Variants in DENND2A observed in about 807,000 individuals in gnomAD.
DENND2A encodes the protein DENN domain containing 2A.
Under a neutral mutation model 105.3 loss-of-function variants are expected in DENND2A, and 53 were observed. The ratio of observed to expected loss-of-function variants is 0.50; its 90% CI spans 0.40 to 0.63. The LOEUF is 0.63. Among genes scored for constraint, DENND2A ranks in the 30% least tolerant of loss-of-function variants. The pLI is 0.00. For synonymous variants in DENND2A, 522 were observed against 508.4 expected, an observed-to-expected ratio of 1.03 and a Z score of -0.36; for missense variants, 1,138 against 1,279.6, an observed-to-expected ratio of 0.89 and a Z score of 1.69.
chr7:140,554,734 A>T (rs1797287965), intron 12 of DENND2A, among the ~76,000 whole-genome samples: 1 of 152,210 alleles, frequency 6.6e-6, no homozygotes, highest in Non-Finnish European at 1.5e-5. Flanking sequence ...ATCATATAGG[A>T]TAGTAATTCT....
rs1370158454 is a variant in DENND2A at position 140,535,607 on chromosome 7, G to A, written c.2328-8112C>T. ...TTAATTTTTTACTTTTTGAGATGGAGTTTCGCTCTTGTTGCCCAGGCTGGA... is the reference window on the plus strand; with the variant it reads ...TTAATTTTTTACTTTTTGAGATGGAATTTCGCTCTTGTTGCCCAGGCTGGA... On this transcript the variant is annotated intron_variant, in intron 14 of 19. Transcript: ENST00000496613. 2.3e-4 allele frequency among the ~76,000 whole-genome samples: 34 copies of A among 150,602 alleles called. 1 individual carries two copies. In the Admixed American group the frequency reaches 2.3e-3, roughly 10 times the overall value.
At chr7:140,537,080 G>A (rs1249770086) in intron 14 of DENND2A, among the ~76,000 whole-genome samples, 1 of 152,232 alleles carries the variant, frequency 6.6e-6, no homozygotes, top group Non-Finnish European at 1.5e-5. Context: ...AGAGCAGCAA[G>A]GTGGCAGCTT....
intron 2 of DENND2A, among the ~76,000 whole-genome samples, chr7:140,603,066 C>T (rs1466302271): frequency 8.5e-5 from 13 of 152,074 alleles, no homozygotes; most frequent in African/African-American, 2.2e-4. Flanking sequence ...GGGTGGATCA[C>T]GAGGTCAGGA....
At chr7:140,614,005 C>G (rs529300161) in intron 1 of DENND2A, among the ~76,000 whole-genome samples, 10 of 152,124 alleles carry the variant, frequency 6.6e-5, no homozygotes, top group Non-Finnish European at 8.8e-5. Context: ...CCCCTTTTTT[C>G]TTTTCCTCCT....
rs571353919 is a variant in DENND2A, at chr7:140,523,411, T to A, written c.2561A>T (p.Asp854Val). The A allele has an allele frequency of 1.9e-6, 3 of 1,613,840 alleles. No individual in the cohort carries two copies. Among genetic ancestry groups the A allele is most frequent in the Non-Finnish European group, 2.5e-6 (3 of 1,179,942 alleles). The change falls in exon 17 of 20, where the codon GAC (aspartate) becomes GTC (valine). Residue 854 changes from aspartate (D) to valine (V), a missense_variant. Coordinates refer to ENST00000496613, the MANE Select transcript of DENND2A (RefSeq NM_015689.5). The surrounding 1 kb of genome is among the most constrained non-coding windows in gnomAD (Gnocchi z 4.5). Reference protein sequence around the residue: ...SRFLRQMDDEDSILPRKLQVA... With the variant: ...SRFLRQMDDEVSILPRKLQVA... ...CTGAAGCTTCCGGGGCAGGATGGAG[T>A]CCTCATCGTCCATCTGGAAAGCAGA...
chr7:140,560,299 A>G (rs1797562169), intron 9 of DENND2A, among the ~76,000 whole-genome samples: 1 of 152,176 alleles, frequency 6.6e-6, no homozygotes, highest in African/African-American at 2.4e-5. Context: ...ACAGTCATTG[A>G]GTGTTGGAAC....
intron 13 of DENND2A, 24 bp from the exon 14 acceptor site, chr7:140,544,790 T>C (rs1796827397): frequency 6.4e-7 from 1 of 1,558,142 alleles, no homozygotes; most frequent in Non-Finnish European, 8.7e-7. Context: ...GGAGCAGCCA[T>C]GAAGGAGGGG....
chr7:140,581,861 G>C (rs923492495), intron 5 of DENND2A, among the ~76,000 whole-genome samples: 3 of 152,148 alleles, frequency 2.0e-5, no homozygotes, highest in African/African-American at 7.2e-5. Flanking sequence ...AGAGGCTCTA[G>C]GTTTTCTCCA....
Position 140,532,991 on chromosome 7 carries a change from C to CTTTT in DENND2A, c.2328-5500_2328-5497dup, listed in dbSNP as rs3042406. ...CCCAACTCAAAGAAAAGGCTACCTG[C>CTTTT]TTTTTTTTTTTTTTTTTTTGAGACA... On this transcript the variant is annotated intron_variant, in intron 14 of 19. Transcript: ENST00000496613. Among the ~76,000 whole-genome samples the CTTTT allele has an allele frequency of 4.0e-4, 48 of 120,122 alleles. 1 individual carries two copies. The highest frequency in any genetic ancestry group is 9.1e-4 in the African/African-American group (28 of 30,604). 78.8% of individuals were successfully genotyped at this position (120,122 alleles called of 152,430 possible).
intron 1 of DENND2A, among the ~76,000 whole-genome samples, chr7:140,613,539 C>CAAA (rs769852380): frequency 1.5e-4 from 14 of 94,344 alleles, no homozygotes; most frequent in African/African-American, 2.1e-4. Context: ...GACTCTGTCT[C>CAAA]AAAAAAAAAA....
At chr7:140,572,636 C>A (rs1798138924) in intron 6 of DENND2A, among the ~76,000 whole-genome samples, 1 of 151,400 alleles carries the variant, frequency 6.6e-6, no homozygotes, top group African/African-American at 2.4e-5. Flanking sequence ...TGACTGTAGT[C>A]CCAGCTACTC....
At chr7:140,576,103 T>A (rs1798292011) in intron 5 of DENND2A, among the ~76,000 whole-genome samples, 2 of 151,980 alleles carry the variant, frequency 1.3e-5, no homozygotes, top group African/African-American at 4.8e-5. Flanking sequence ...TATTTTTCTT[T>A]AGTGTATTTT....
intron 5 of DENND2A, among the ~76,000 whole-genome samples, chr7:140,578,091 G>A (rs115891987): frequency 0.032 from 4,930 of 152,190 alleles, 249 homozygotes; most frequent in African/African-American, 0.11. Context: ...ATAGATCTCC[G>A]ACTCATGATG....
Position 140,602,417 on chromosome 7 carries a change from T to C in DENND2A, c.-20A>G, listed in dbSNP as rs746585067. On this transcript the variant is annotated 5_prime_UTR_variant, in exon 3 of 20. Transcript: ENST00000496613. Reference sequence around the variant, plus strand: ...ATCCATTCTTGACTCTAGCGTGAGGTTGTGGAGGCCTTCCAGGGGACTCCT... The same window carrying C: ...ATCCATTCTTGACTCTAGCGTGAGGCTGTGGAGGCCTTCCAGGGGACTCCT... 62 of 1,528,680 alleles carry C rather than the reference T, an allele frequency of 4.1e-5. 1 individual carries two copies. In the Admixed American group the frequency reaches 1.2e-3, roughly 30 times the overall value. The allele number at this position is 1,528,680 out of a possible 1,614,324, so 94.7% of individuals were successfully genotyped here.
chr7:140,601,301 T>G, intron 3 of DENND2A, 102 bp downstream of exon 3: 2 of 1,451,494 alleles, frequency 1.4e-6, no homozygotes, highest in Non-Finnish European at 1.8e-6. Flanking sequence ...TCCATCAGTT[T>G]AATAAAACAA....
intron 1 of DENND2A, among the ~76,000 whole-genome samples, chr7:140,632,637 C>T (rs542395812): frequency 1.4e-4 from 21 of 152,088 alleles, no homozygotes; most frequent in Admixed American, 1.2e-3. Flanking sequence ...GGCGCGATCT[C>T]GGCTCACTGC....
chr7:140,545,279 G>GT lies in DENND2A; in HGVS notation c.2179-514dup, dbSNP rs537983972. 1.6e-4 allele frequency among the ~76,000 whole-genome samples: 24 copies of GT among 152,256 alleles called. No individual in the cohort carries two copies. The East Asian group carries it at 3.7e-3, about 23-fold the overall frequency. ...AGACTCGCTGCCACCTCAAGAAGGT[G>GT]TTTTTTAGGTAACCCTGACACCATC... is the stretch of plus-strand genomic sequence containing the variant. On this transcript the variant is annotated intron_variant, in intron 13 of 19. Transcript: ENST00000496613.
intron 9 of DENND2A, among the ~76,000 whole-genome samples, chr7:140,566,586 T>A (rs1360590804): frequency 1.3e-5 from 2 of 151,582 alleles, no homozygotes; most frequent in African/African-American, 4.9e-5. Context: ...TAGGAAGAGA[T>A]GTGGCTGGCT....
At chr7:140,606,299 C>G (rs1799685262) in intron 1 of DENND2A, among the ~76,000 whole-genome samples, 1 of 152,166 alleles carries the variant, frequency 6.6e-6, no homozygotes, top group African/African-American at 2.4e-5. Flanking sequence ...CTTGGCCTTC[C>G]TAAGTGCTGG....
Sources: gnomAD v4.1 joint callset for allele counts (sites outside exome capture counted in the v4.1 genomes callset) on GRCh38, gnomAD v4.1.1 for gene constraint, Gnocchi (gnomAD v3.1) non-coding constraint, MANE v1.5 for transcripts, NCBI Gene and HGNC (gene_info 2026-07-23, HGNC 2026-07-21) for gene names.